The following FCSK variants were observed in gnomAD, a reference collection of about 807,000 sequenced individuals.
FCSK encodes the protein fucose kinase.
In FCSK, 123 loss-of-function variants were observed where a neutral mutation model predicts 122.5. The ratio of observed to expected loss-of-function variants is 1.00; its 90% confidence interval spans 0.87 to 1.17. The LOEUF is 1.17. FCSK is among the 50% of genes most tolerant of loss of function. The pLI, the probability that FCSK is intolerant of heterozygous loss-of-function variation, is 0.00. For synonymous variants in FCSK, 620 were observed against 625.5 expected (o/e 0.99, Z 0.13); for missense variants, 1,366 against 1,450.4 (o/e 0.94, Z 0.95).
chr16:70,472,505 C>G (rs769233707), intron 13 of FCSK, 36 bp from the exon 14 acceptor site: 3 of 1,566,764 alleles, frequency 1.9e-6, no homozygotes, highest in Non-Finnish European at 2.6e-6. Flanking sequence ...TTTCCTGTGG[C>G]CCCTGCAGCC....
rs755892030 is a variant in FCSK at position 70,473,326 on chromosome 16, G to A, written c.1750G>A (p.Gly584Arg). ...GGCTGCTGTCCGCGAGGGCTGCCCCGGGCCCCTGCTGGCCACGCTGGACCA... is the reference window on the plus strand; with the variant it reads ...GGCTGCTGTCCGCGAGGGCTGCCCCAGGCCCCTGCTGGCCACGCTGGACCA... Reference protein sequence around the residue: ...IWAAVREGCPGPLLATLDQVA... With the variant: ...IWAAVREGCPRPLLATLDQVA... Residue 584 changes from glycine to arginine, a missense_variant, in exon 15 of 24, where the codon GGG (glycine) becomes AGG (arginine). Coordinates refer to ENST00000288078, the MANE Select transcript of FCSK (RefSeq NM_145059.3). The surrounding 1 kb of genome is among the most constrained non-coding windows in gnomAD (Gnocchi z 4.9). 3.5e-5 allele frequency: 53 copies of A among 1,512,952 alleles called. No individual in the cohort carries two copies. Among genetic ancestry groups the A allele is most frequent in the Middle Eastern group, 2.3e-4 (1 of 4,266 alleles). 93.7% of individuals were successfully genotyped at this position (1,512,952 alleles called of 1,614,324 possible).
chr16:70,473,288 G>A lies in FCSK; in HGVS notation c.1712G>A (p.Arg571His), dbSNP rs17886171. The change falls in exon 15 of 24, where the codon CGC becomes CAC. Residue 571 changes from arginine (R) to histidine (H), a missense_variant. Coordinates refer to ENST00000288078, the MANE Select transcript of FCSK (RefSeq NM_145059.3). The surrounding 1 kb of genome is among the most constrained non-coding windows in gnomAD (Gnocchi z 4.9). ...GAGGCCCGGCAGGACCTCAGCCTGC[G>A]CCCGCTGATCTGGGCTGCTGTCCGC... is the stretch of plus-strand genomic sequence containing the variant. Reference protein sequence around the residue: ...VLEARQDLSLRPLIWAAVREG... With the variant: ...VLEARQDLSLHPLIWAAVREG... 3.8e-4 allele frequency: 578 copies of A among 1,528,764 alleles called. 4 individuals carry two copies. The African/African-American group carries it at 6.4e-3, about 17-fold the overall frequency. The allele number at this position is 1,528,764 out of a possible 1,614,324, so 94.7% of individuals were successfully genotyped here. A position where few individuals can be genotyped will look rare whatever the true frequency, so the allele number is the denominator to read the frequency against.
At chr16:70,465,908 G>A (rs779596056) in intron 4 of FCSK, among the ~76,000 whole-genome samples, 5 of 152,130 alleles carry the variant, frequency 3.3e-5, no homozygotes, top group Admixed American at 6.5e-5. Context: ...AGCCAAGATC[G>A]CACTACTGCA....
chr16:70,473,456 C>A lies in FCSK; in HGVS notation c.1777+103C>A, dbSNP rs1227609772. 10 of 1,323,174 alleles carry A rather than the reference C, an allele frequency of 7.6e-6. No individual in the cohort carries two copies. The highest frequency in any genetic ancestry group is 8.0e-6 in the Non-Finnish European group (8 of 1,003,668). 82.0% of individuals were successfully genotyped at this position (1,323,174 alleles called of 1,614,324 possible). A position where few individuals can be genotyped will look rare whatever the true frequency, so the allele number is the denominator to read the frequency against. On this transcript the variant is annotated intron_variant, in intron 15 of 23. Coordinates refer to ENST00000288078, the MANE Select transcript of FCSK (RefSeq NM_145059.3). The surrounding 1 kb of genome is among the most constrained non-coding windows in gnomAD (Gnocchi z 4.9). ...GGGGACTAGGGGACCATGAGGTGCTCAAGCAGGGAAGGGGCATGCTGGAGT... is the reference window on the plus strand; with the variant it reads ...GGGGACTAGGGGACCATGAGGTGCTAAAGCAGGGAAGGGGCATGCTGGAGT...
chr16:70,472,961 A>C (rs976405691), intron 14 of FCSK, 22 bp from the exon 15 acceptor site: 1 of 1,588,166 alleles, frequency 6.3e-7, no homozygotes, highest in Non-Finnish European at 8.6e-7. Flanking sequence ...CCTCCTGGGA[A>C]TGTGCCTTCT....
Position 70,474,658 on chromosome 16 carries a change from G to A in FCSK, c.2119G>A (p.Val707Met), listed in dbSNP as rs755154455. The A allele has an allele frequency of 6.2e-7, 1 of 1,601,724 alleles. No homozygotes were observed. Among genetic ancestry groups the A allele is most frequent in the Non-Finnish European group, 8.5e-7 (1 of 1,174,732 alleles). ...QVELPGPGQW[V>M]VAECPARVDF... is the part of the protein sequence containing the mutation. ...GGAACTGCCGGGACCTGGGCAGTGGGTGGTGGCTGAGTGCCCGGCCCGTGT... is the reference window on the plus strand; with the variant it reads ...GGAACTGCCGGGACCTGGGCAGTGGATGGTGGCTGAGTGCCCGGCCCGTGT... The change falls in exon 17 of 24, where the codon GTG becomes ATG. Residue 707 changes from valine to methionine, a missense_variant. Physicochemically the swap from Val to Met is conservative, Grantham distance 21. Transcript: ENST00000288078.
At chr16:70,478,153 G>A in intron 20 of FCSK, 119 bp from the exon 21 acceptor site, 1 of 933,626 alleles carries the variant, frequency 1.1e-6, no homozygotes, top group African/African-American at 1.7e-5. Flanking sequence ...GTCCTGTGGA[G>A]TTGAGGGAAG....
intron 2 of FCSK, 24 bp from the exon 3 acceptor site, chr16:70,463,599 T>A (rs2048330349): frequency 1.2e-6 from 2 of 1,611,818 alleles, no homozygotes; most frequent in Admixed American, 1.7e-5. Flanking sequence ...GGGGGGCAGG[T>A]CCCAGTGTCT....
rs140516568 is a variant in FCSK, at chr16:70,473,773, G to A, written c.1778-356G>A. On this transcript the variant is annotated intron_variant, in intron 15 of 23. Transcript: ENST00000288078. This position sits in a 1 kb window ranked among gnomAD's most constrained non-coding sequence, Gnocchi z 4.9. ...CCTCCTAGGCTGAACCTCATGGAAG[G>A]TCCCAGGGACCGTGGACATGAATGG... Among the ~76,000 whole-genome samples, 1 of 152,190 alleles carries A rather than the reference G, an allele frequency of 6.6e-6. No individual in the cohort carries two copies. The highest frequency in any genetic ancestry group is 1.5e-5 in the Non-Finnish European group (1 of 68,040).
chr16:70,474,806 G>A lies in FCSK; in HGVS notation c.2172G>A (p.Thr724=), dbSNP rs201537584. 6 of 1,579,108 alleles carry A rather than the reference G, an allele frequency of 3.8e-6. No individual in the cohort carries two copies. Among genetic ancestry groups the A allele is most frequent in the East Asian group, 2.3e-5 (1 of 43,140 alleles). The change falls in exon 18 of 24, where the codon ACG becomes ACA. Residue 724 remains threonine, a synonymous_variant. Coordinates refer to ENST00000288078, the MANE Select transcript of FCSK (RefSeq NM_145059.3). ...CTGCCATAGGGGGCTGGAGTGACAC[G>A]CCACCCCTTGCCTATGAGCTTGGCG... ...RVDFSGGWSD[T]PPLAYELGGA... is the part of the protein sequence containing the mutation.
At position 70,478,554 on chromosome 16, in the gene FCSK, G is replaced by A. The variant is rs1049651995; in HGVS notation, c.2833G>A (p.Val945Met). The change falls in exon 22 of 24, where the codon GTG (valine) becomes ATG (methionine). Residue 945 changes from valine (V) to methionine (M), a missense_variant. Coordinates refer to ENST00000288078, the MANE Select transcript of FCSK (RefSeq NM_145059.3). ...TRLARNLLQD[V>M]LRSWYARLPA... ...CCTTCTCCTGCCCCGTCCGCAGGATGTGCTGAGGAGCTGGTATGCCCGACT... is the reference window on the plus strand; with the variant it reads ...CCTTCTCCTGCCCCGTCCGCAGGATATGCTGAGGAGCTGGTATGCCCGACT... 3.1e-6 allele frequency: 5 copies of A among 1,613,658 alleles called. No individual in the cohort carries two copies. In the Admixed American group the frequency reaches 6.7e-5, roughly 22 times the overall value.
At chr16:70,464,933 GGGCCCTGGGATCCCTTATCCA>G (rs2048371408) in intron 3 of FCSK, 172 bp from the exon 4 acceptor site, 1 of 1,202,308 alleles carries the variant, frequency 8.3e-7, no homozygotes, top group African/African-American at 1.5e-5. Context: ...CCCAGGTGGA[GGGCCCTGGGATCCCTTATCCA>G]GGAGGGACCA....
intron 1 of FCSK, among the ~76,000 whole-genome samples, chr16:70,462,769 C>G (rs993323999): frequency 1.3e-5 from 2 of 151,566 alleles, no homozygotes; most frequent in African/African-American, 4.9e-5. Flanking sequence ...TTCAGCCTCC[C>G]GAGTAGCTGG....
Position 70,479,617 on chromosome 16 carries a change from C to T in FCSK, c.3192C>T (p.Asp1064=), listed in dbSNP as rs759856940. 6.2e-7 allele frequency: 1 copy of T among 1,614,130 alleles called. No homozygotes were observed. Among genetic ancestry groups the T allele is most frequent in the Non-Finnish European group, 8.5e-7 (1 of 1,179,978 alleles). Reference sequence around the variant, plus strand: ...ACAGCATCCACCTGGTTGAAGTGGACACTCAGGGCCTGAGCCTGAAGCTGC... The same window carrying T: ...ACAGCATCCACCTGGTTGAAGTGGATACTCAGGGCCTGAGCCTGAAGCTGC... ...GNYSIHLVEV[D]TQGLSLKLLG... Residue 1064 remains aspartate, a synonymous_variant, in exon 24 of 24, where the codon GAC becomes GAT. Transcript: ENST00000288078.
intron 22 of FCSK, 66 bp downstream of exon 22, chr16:70,478,716 G>A (rs1452281433): frequency 2.2e-6 from 3 of 1,359,858 alleles, no homozygotes; most frequent in Non-Finnish European, 3.1e-6. Context: ...GTGGGTTTGA[G>A]GCCAGGGTCA....
Position 70,475,405 on chromosome 16 carries a change from A to G in FCSK, c.2433A>G (p.Glu811=). The G allele has an allele frequency of 6.2e-7, 1 of 1,609,914 alleles. No homozygotes were observed. ...CAGGGATCGTGCATGTCCACTCGGA[A>G]CTCCAGCTGAGTGAGCAGCTGCTCC... ...ICAGIVHVHS[E]LQLSEQLLRT... The change falls in exon 19 of 24, where the codon GAA becomes GAG. Residue 811 remains glutamate (E), a synonymous_variant. Coordinates refer to ENST00000288078, the MANE Select transcript of FCSK (RefSeq NM_145059.3).
rs1486315306 is a variant in FCSK at position 70,475,385 on chromosome 16, A to G, written c.2413A>G (p.Ile805Val). 1 of 1,610,694 alleles carries G rather than the reference A, an allele frequency of 6.2e-7. No homozygotes were observed. Among genetic ancestry groups the G allele is most frequent in the South Asian group, 1.1e-5 (1 of 91,082 alleles). Residue 805 changes from isoleucine (I) to valine (V), a missense_variant, in exon 19 of 24, where the codon ATC becomes GTC. Coordinates refer to ENST00000288078, the MANE Select transcript of FCSK (RefSeq NM_145059.3). ...LLKAAFICAG[I>V]VHVHSELQLS... is the part of the protein sequence containing the mutation. ...GAAGGCGGCCTTCATCTGTGCAGGG[A>G]TCGTGCATGTCCACTCGGAACTCCA...
chr16:70,455,410 A>C (rs186025179), intron 1 of FCSK, among the ~76,000 whole-genome samples: 4 of 151,678 alleles, frequency 2.6e-5, no homozygotes, highest in African/African-American at 7.2e-5. Flanking sequence ...GCTTGAACTC[A>C]GGAGATGGAG....
At chr16:70,459,224 A>G (rs1301380059) in intron 1 of FCSK, among the ~76,000 whole-genome samples, 1 of 101,038 alleles carries the variant, frequency 9.9e-6, no homozygotes, top group Admixed American at 8.6e-5. Context: ...CCCTGTCTTT[A>G]AAAAAAAAAA....
Sources: gnomAD v4.1 joint callset for allele counts (sites outside exome capture counted in the v4.1 genomes callset) on GRCh38, gnomAD v4.1.1 for gene constraint, Gnocchi (gnomAD v3.1) non-coding constraint, MANE v1.5 for transcripts, NCBI Gene and HGNC (gene_info 2026-07-23, HGNC 2026-07-21) for gene names.